Variants in HTRA4 observed in about 807,000 individuals in gnomAD.
HTRA4 encodes the protein HtrA serine peptidase 4, also known as serine protease HTRA4.
A neutral mutation model predicts 49.1 loss-of-function variants in HTRA4; 46 were observed. The ratio of observed to expected loss-of-function variants is 0.94; its 90% confidence interval spans 0.74 to 1.20. HTRA4 has a LOEUF of 1.20. HTRA4 is among the 50% of genes most tolerant of loss of function. HTRA4 has a pLI of 0.00. For missense variants in HTRA4, 602 were observed against 636.9 expected (o/e 0.95, Z 0.59); for synonymous variants, 261 against 264.0 (o/e 0.99, Z 0.11).
rs1483022870 is a variant in HTRA4 at position 38,974,564 on chromosome 8, G to T, written c.301G>T (p.Gly101Trp). ...GCAGTGCCTCCAGCCGCTGCGCCCC[G>T]GGTTCCCCAGCACCTGCGGTTGCCC... ...GLQCLQPLRP[G>W]FPSTCGCPTL... The change falls in exon 1 of 9, where the codon GGG becomes TGG. Residue 101 changes from glycine to tryptophan, a missense_variant. Physicochemically the swap from Gly to Trp is radical, Grantham distance 184. Transcript: ENST00000302495. 1 of 1,410,208 alleles carries T rather than the reference G, an allele frequency of 7.1e-7. No homozygotes were observed. Among genetic ancestry groups the T allele is most frequent in the Admixed American group, 3.2e-5 (1 of 30,980 alleles). 87.4% of individuals were successfully genotyped at this position (1,410,208 alleles called of 1,614,324 possible). A position where few individuals can be genotyped will look rare whatever the true frequency, so the allele number is the denominator to read the frequency against.
intron 3 of HTRA4, among the ~76,000 whole-genome samples, chr8:38,977,424 A>AT (rs1835366788): frequency 6.6e-6 from 1 of 152,096 alleles, no homozygotes; most frequent in Non-Finnish European, 1.5e-5. Flanking sequence ...TGCACATCAC[A>AT]TATATTGACA....
In HTRA4 at chr8:38,984,150, G is replaced by A. The variant is rs184609899; in HGVS notation, c.1268+1102G>A. Among the ~76,000 whole-genome samples, 572 of 151,824 alleles carry A rather than the reference G, an allele frequency of 3.8e-3. 2 individuals carry two copies. The highest frequency in any genetic ancestry group is 5.4e-3 in the Non-Finnish European group (364 of 67,882). Reference sequence around the variant, plus strand: ...CGAGTAGCTGGGATTACAGGCACCCGCCACCACGCTTGGTTAATTGTTGTA... The same window carrying A: ...CGAGTAGCTGGGATTACAGGCACCCACCACCACGCTTGGTTAATTGTTGTA... On this transcript the variant is annotated intron_variant, in intron 8 of 8. Coordinates refer to ENST00000302495, the MANE Select transcript of HTRA4 (RefSeq NM_153692.4).
intron 3 of HTRA4, among the ~76,000 whole-genome samples, 198 bp downstream of exon 3, chr8:38,976,937 C>A (rs763535306): frequency 3.3e-5 from 5 of 151,518 alleles, no homozygotes; most frequent in Admixed American, 6.6e-5. Context: ...CCGTTTCTTT[C>A]TTTTCTTTCT....
intron 8 of HTRA4, among the ~76,000 whole-genome samples, chr8:38,984,183 T>G (rs1407134844): frequency 1.3e-5 from 2 of 151,872 alleles, no homozygotes; most frequent in African/African-American, 4.8e-5. Context: ...GTATTTTTAG[T>G]AGAGACAGGG....
chr8:38,986,470 T>TGTTG, intron 8 of HTRA4, among the ~76,000 whole-genome samples: 1 of 152,104 alleles, frequency 6.6e-6, no homozygotes, highest in East Asian at 1.9e-4. Context: ...GGTTTCACTA[T>TGTTG]GTTGGGCAGG....
intron 3 of HTRA4, 85 bp downstream of exon 3, chr8:38,976,824 A>G: frequency 8.1e-7 from 1 of 1,236,046 alleles, no homozygotes; most frequent in South Asian, 1.3e-5. Context: ...CTACACTCTC[A>G]CACCACATCT....
chr8:38,978,929 G>A (rs933364685), intron 4 of HTRA4, among the ~76,000 whole-genome samples: 1 of 151,200 alleles, frequency 6.6e-6, no homozygotes, highest in Admixed American at 6.6e-5. Flanking sequence ...GGGAGGCAGA[G>A]GTTGCAGTGA....
chr8:38,986,835 A>G (rs1354004584), intron 8 of HTRA4, among the ~76,000 whole-genome samples: 1 of 152,220 alleles, frequency 6.6e-6, no homozygotes, highest in African/African-American at 2.4e-5. Flanking sequence ...AATCCCTCTC[A>G]CAAGTTGCAT....
At chr8:38,981,598 T>G (rs995720067) in intron 5 of HTRA4, 55 bp from the exon 6 acceptor site, 4 of 1,197,148 alleles carry the variant, frequency 3.3e-6, no homozygotes, top group Non-Finnish European at 5.0e-6. Flanking sequence ...GTTCTGGTCT[T>G]GCACTCATCA....
rs764542751 is a variant in HTRA4, at chr8:38,974,722, G to C, written c.459G>C (p.Gly153=). The C allele has an allele frequency of 2.6e-5, 37 of 1,426,588 alleles. No individual in the cohort carries two copies. In the Admixed American group the frequency reaches 1.1e-3, roughly 41 times the overall value. 88.4% of individuals were successfully genotyped at this position (1,426,588 alleles called of 1,614,324 possible). The change falls in exon 1 of 9, where the codon GGG becomes GGC. Residue 153 remains glycine (G), a synonymous_variant. Coordinates refer to ENST00000302495, the MANE Select transcript of HTRA4 (RefSeq NM_153692.4). ...PAVPVQWGNC[G]DTGTRSAGPL... ...TGCCTGTGCAGTGGGGGAACTGCGG[G>C]GATACAGGTGAGCCGCGGGGGCGCG...
chr8:38,976,605 A>G lies in HTRA4; in HGVS notation c.637A>G (p.Ile213Val), dbSNP rs1204164805. ...SGFIVSEDGL[I>V]ITNAHVVRNQ... ...GTTCATAGTGTCTGAGGACGGGCTC[A>G]TTATTACCAATGCCCATGTTGTCAG... The change falls in exon 3 of 9, where the codon ATT becomes GTT. Residue 213 changes from isoleucine (I) to valine (V), a missense_variant. Transcript: ENST00000302495. 6.2e-7 allele frequency: 1 copy of G among 1,614,026 alleles called. No homozygotes were observed. Among genetic ancestry groups the G allele is most frequent in the East Asian group, 2.2e-5 (1 of 44,888 alleles).
intron 5 of HTRA4, among the ~76,000 whole-genome samples, chr8:38,979,838 C>T (rs1835397768): frequency 6.6e-6 from 1 of 152,156 alleles, no homozygotes; most frequent in Non-Finnish European, 1.5e-5. Flanking sequence ...ATATTAAACC[C>T]AGGTTTATGC....
chr8:38,982,334 G>T (rs1398446446), intron 6 of HTRA4, among the ~76,000 whole-genome samples, 164 bp from the exon 7 acceptor site: 1 of 152,162 alleles, frequency 6.6e-6, no homozygotes, highest in East Asian at 1.9e-4. Flanking sequence ...GTGGGTGGGA[G>T]GAGTGTAAGT....
chr8:38,983,448 C>T (rs1835447424), intron 8 of HTRA4, among the ~76,000 whole-genome samples: 1 of 151,988 alleles, frequency 6.6e-6, no homozygotes, highest in Non-Finnish European at 1.5e-5. Context: ...ATCGCTTGAA[C>T]ATGGGAGGCA....
chr8:38,974,592 C>T lies in HTRA4; in HGVS notation c.329C>T (p.Thr110Met). ...TTCCCCAGCACCTGCGGTTGCCCGACGCTGGGAGGGGCCGTGTGCGGCAGC... is the reference window on the plus strand; with the variant it reads ...TTCCCCAGCACCTGCGGTTGCCCGATGCTGGGAGGGGCCGTGTGCGGCAGC... ...PGFPSTCGCP[T>M]LGGAVCGSDR... Residue 110 changes from threonine (T) to methionine (M), a missense_variant, in exon 1 of 9, where the codon ACG becomes ATG. Coordinates refer to ENST00000302495, the MANE Select transcript of HTRA4 (RefSeq NM_153692.4). The T allele has an allele frequency of 1.4e-6, 2 of 1,426,600 alleles. No homozygotes were observed. The highest frequency in any genetic ancestry group is 1.8e-6 in the Non-Finnish European group (2 of 1,096,082). 88.4% of individuals were successfully genotyped at this position (1,426,600 alleles called of 1,614,324 possible).
chr8:38,974,618 G>A lies in HTRA4; in HGVS notation c.355G>A (p.Asp119Asn), dbSNP rs1835319867. 2 of 1,425,688 alleles carry A rather than the reference G, an allele frequency of 1.4e-6. No individual in the cohort carries two copies. Among genetic ancestry groups the A allele is most frequent in the Admixed American group, 3.0e-5 (1 of 33,302 alleles). The allele number at this position is 1,425,688 out of a possible 1,614,324, so 88.3% of individuals were successfully genotyped here. A position where few individuals can be genotyped will look rare whatever the true frequency, so the allele number is the denominator to read the frequency against. Residue 119 changes from aspartate to asparagine, a missense_variant, in exon 1 of 9, where the codon GAC becomes AAC. By Grantham distance (23) the Asp-to-Asn change is conservative. Transcript: ENST00000302495. ...PTLGGAVCGS[D>N]RRTYPSMCAL... Reference sequence around the variant, plus strand: ...GCTGGGAGGGGCCGTGTGCGGCAGCGACAGGCGCACCTACCCCAGCATGTG... The same window carrying A: ...GCTGGGAGGGGCCGTGTGCGGCAGCAACAGGCGCACCTACCCCAGCATGTG...
rs1475170291 is a variant in HTRA4 at position 38,988,108 on chromosome 8, T to C, written c.*10T>C. The C allele has an allele frequency of 6.4e-7, 1 of 1,556,480 alleles. No homozygotes were observed. Among genetic ancestry groups the C allele is most frequent in the Admixed American group, 2.1e-5 (1 of 46,826 alleles). ...TGAAACAATCAATTAAATATCTTGT[T>C]TTAAAGTGGGATTATCTAAAAAAAA... On this transcript the variant is annotated 3_prime_UTR_variant, in exon 9 of 9. Coordinates refer to ENST00000302495, the MANE Select transcript of HTRA4 (RefSeq NM_153692.4).
rs909556435 is a variant in HTRA4 at position 38,978,031 on chromosome 8, T to C, written c.850T>C (p.Phe284Leu). 3.1e-6 allele frequency: 5 copies of C among 1,614,010 alleles called. No individual in the cohort carries two copies. The African/African-American group carries it at 6.7e-5, about 22-fold the overall frequency. The change falls in exon 4 of 9, where the codon TTT (phenylalanine) becomes CTT (leucine). Residue 284 changes from phenylalanine to leucine, a missense_variant. Phe to Leu is a conservative substitution (Grantham distance 22). Transcript: ENST00000302495. ...GEFVVALGSP[F>L]SLQNTATAGI... is the part of the protein sequence containing the mutation. ...GTTTGTGGTGGCTTTGGGCAGCCCA[T>C]TTTCTCTGCAGAACACAGCTACTGC...
chr8:38,988,371 C>T lies in HTRA4; in HGVS notation c.*273C>T, dbSNP rs149162978. 0.06 allele frequency: 13,892 copies of T among 232,652 alleles called. 538 individuals carry two copies. Among genetic ancestry groups the T allele is most frequent in the Middle Eastern group, 0.085 (61 of 716 alleles). 14.4% of individuals were successfully genotyped at this position (232,652 alleles called of 1,614,324 possible). ...GAAACCATTATCCTCAGCAAACTAA[C>T]GCAGGAACAGAAAACCAAATACTGC... On this transcript the variant is annotated 3_prime_UTR_variant, in exon 9 of 9. Transcript: ENST00000302495.
Sources: gnomAD v4.1 joint callset for allele counts (sites outside exome capture counted in the v4.1 genomes callset) on GRCh38, gnomAD v4.1.1 for gene constraint, MANE v1.5 for transcripts, NCBI Gene and HGNC (gene_info 2026-07-23, HGNC 2026-07-21) for gene names.